ANKRD30A: variants seen among roughly 807,000 people sequenced by gnomAD.
ANKRD30A encodes ankyrin repeat domain 30A.
A neutral mutation model predicts 166.3 loss-of-function variants in ANKRD30A; 170 were observed. The observed-to-expected ratio is 1.02, with a 90% confidence interval of 0.90 to 1.16. ANKRD30A has a LOEUF of 1.16. ANKRD30A is among the 50% of genes most tolerant of loss of function. ANKRD30A has a pLI of 0.00. For synonymous variants in ANKRD30A, 564 were observed against 508.9 expected (o/e 1.11, Z -1.46); for missense variants, 1,630 against 1,518.0 (o/e 1.07, Z -1.23).
In ANKRD30A at chr10:37,130,747, C is replaced by T. The variant is rs187991289; in HGVS notation, c.510+369C>T. ...AGACATGCAGAAATCTGGATTTCCTCTTAAAGGATTGAATCTGGTGTCTCC... is the reference window on the plus strand; with the variant it reads ...AGACATGCAGAAATCTGGATTTCCTTTTAAAGGATTGAATCTGGTGTCTCC... On this transcript the variant is annotated intron_variant, in intron 3 of 35. Coordinates refer to ENST00000361713, the MANE Select transcript of ANKRD30A (RefSeq NM_052997.3). Among the ~76,000 whole-genome samples, 384 of 152,206 alleles carry T rather than the reference C, an allele frequency of 2.5e-3. 5 individuals carry two copies. The highest frequency in any genetic ancestry group is 9.0e-3 in the African/African-American group (373 of 41,550).
At chr10:37,215,538 C>T (rs1415883834) in intron 31 of ANKRD30A, among the ~76,000 whole-genome samples, 1 of 151,390 alleles carries the variant, frequency 6.6e-6, no homozygotes, top group Non-Finnish European at 1.5e-5. Flanking sequence ...TGATAGGTTC[C>T]ACCTCAGTTT....
the ANKRD30A span, chr10:37,248,325 C>T: frequency 2.7e-6 from 1 of 370,062 alleles, no homozygotes; most frequent in Non-Finnish European, 5.4e-6. Context: ...TATGAGATAT[C>T]TGAAGCTTGA....
At chr10:37,220,714 T>G (rs1379344939) in intron 34 of ANKRD30A, among the ~76,000 whole-genome samples, 2 of 151,150 alleles carry the variant, frequency 1.3e-5, no homozygotes, top group Non-Finnish European at 3.0e-5. Context: ...CAGAGAAAGA[T>G]CATTGTAGCT....
Position 37,142,192 on chromosome 10 carries a change from C to T in ANKRD30A, c.1295C>T (p.Ala432Val), listed in dbSNP as rs1837192158. 1.2e-6 allele frequency: 2 copies of T among 1,613,718 alleles called. No individual in the cohort carries two copies. The highest frequency in any genetic ancestry group is 1.1e-5 in the South Asian group (1 of 90,996). The change falls in exon 7 of 36, where the codon GCA becomes GTA. Residue 432 changes from alanine (A) to valine (V), a missense_variant. Physicochemically the swap from Ala to Val is moderately conservative, Grantham distance 64. Coordinates refer to ENST00000361713, the MANE Select transcript of ANKRD30A (RefSeq NM_052997.3). ...ACACCTGTAAAGACTGGATGCGTGG[C>T]AAGAGTAACATCTAATAAAACTAAA... ...KETPVKTGCV[A>V]RVTSNKTKVL... is the part of the protein sequence containing the mutation.
At position 37,125,861 on chromosome 10, in the gene ANKRD30A, TC is replaced by T; in HGVS notation, c.75del (p.Tyr26IlefsTer32). The T allele has an allele frequency of 7.1e-7, 1 of 1,399,254 alleles. No individual in the cohort carries two copies. The highest frequency in any genetic ancestry group is 1.2e-5 in the South Asian group (1 of 84,016). 86.7% of individuals were successfully genotyped at this position (1,399,254 alleles called of 1,614,324 possible). A position where few individuals can be genotyped will look rare whatever the true frequency, so the allele number is the denominator to read the frequency against. ...CGCCCGAGCCCTTTCAGCCAGCTAG[TC>T]TATACCAGCAACGACTCCTACATCG... The part of the protein sequence containing the change: ...PERPSPFSQL[V>X]YTSNDSYIVH... On this transcript the variant is annotated frameshift_variant, in exon 1 of 36. Coordinates refer to ENST00000361713, the MANE Select transcript of ANKRD30A (RefSeq NM_052997.3). LOFTEE classifies it high-confidence loss of function.
chr10:37,159,783 C>G (rs1473527841), intron 15 of ANKRD30A, among the ~76,000 whole-genome samples: 1 of 152,084 alleles, frequency 6.6e-6, no homozygotes, highest in African/African-American at 2.4e-5. Context: ...CAAGCTCTGC[C>G]TCCCGGGTTC....
intron 1 of ANKRD30A, among the ~76,000 whole-genome samples, chr10:37,126,274 C>T (rs1349578723): frequency 6.6e-6 from 1 of 152,234 alleles, no homozygotes; most frequent in Non-Finnish European, 1.5e-5. Flanking sequence ...CCTTCACTCC[C>T]ACTTCCTCTC....
chr10:37,152,283 G>C (rs1479508659), intron 12 of ANKRD30A, among the ~76,000 whole-genome samples, 162 bp downstream of exon 12: 1 of 152,026 alleles, frequency 6.6e-6, no homozygotes. Context: ...GTGCTAAGTA[G>C]ATTACTGCTT....
chr10:37,214,150 C>G (rs1842485194), intron 31 of ANKRD30A, among the ~76,000 whole-genome samples: 1 of 151,566 alleles, frequency 6.6e-6, no homozygotes, highest in Admixed American at 6.6e-5. Flanking sequence ...CCCTTTGTCA[C>G]TATAAAATGA....
chr10:37,125,969 A>G lies in ANKRD30A; in HGVS notation c.182A>G (p.Lys61Arg), dbSNP rs372247911. The G allele has an allele frequency of 4.3e-6, 7 of 1,611,778 alleles. No individual in the cohort carries two copies. Among genetic ancestry groups the G allele is most frequent in the African/African-American group, 4.0e-5 (3 of 74,838 alleles). ...VRKLEKMTKRKKTINLNIQDA... is the reference protein window; with the variant it reads ...VRKLEKMTKRRKTINLNIQDA... ...AAGCTGGAGAAGATGACAAAGAGGA[A>G]GAAGACCATCAACCTTAATATACAA... is the stretch of plus-strand genomic sequence containing the variant. The change falls in exon 1 of 36, where the codon AAG becomes AGG. Residue 61 changes from lysine to arginine, a missense_variant. Transcript: ENST00000361713.
At chr10:37,240,438 A>G in the ANKRD30A span, among the ~76,000 whole-genome samples, 1 of 152,052 alleles carries the variant, frequency 6.6e-6, no homozygotes, top group Admixed American at 6.6e-5. Flanking sequence ...GACTGGTGAC[A>G]TTTTAAATCT....
intron 29 of ANKRD30A, among the ~76,000 whole-genome samples, chr10:37,197,952 G>T (rs57407859): frequency 0.013 from 1,955 of 152,028 alleles, 40 homozygotes; most frequent in East Asian, 0.095. Context: ...AACTCTGTGT[G>T]TTTATGTGTG....
At chr10:37,128,543 A>T (rs913254310) in intron 1 of ANKRD30A, among the ~76,000 whole-genome samples, 2 of 152,036 alleles carry the variant, frequency 1.3e-5, no homozygotes, top group African/African-American at 4.8e-5. Flanking sequence ...ATTTTAGTGT[A>T]GTTTTATTAT....
intron 31 of ANKRD30A, among the ~76,000 whole-genome samples, chr10:37,211,307 T>C (rs943168740): frequency 7.9e-5 from 12 of 151,650 alleles, no homozygotes; most frequent in Non-Finnish European, 1.6e-4. Context: ...CAACAGGCCC[T>C]GGTGTGTGAT....
the ANKRD30A span, among the ~76,000 whole-genome samples, chr10:37,263,356 A>G: frequency 1.1e-4 from 16 of 152,038 alleles, no homozygotes; most frequent in Non-Finnish European, 1.6e-4. Context: ...AGCTGGTTTC[A>G]GGATGATTCA....
intron 31 of ANKRD30A, among the ~76,000 whole-genome samples, chr10:37,207,887 A>T (rs1197854766): frequency 1.3e-5 from 2 of 152,172 alleles, no homozygotes; most frequent in Non-Finnish European, 2.9e-5. Context: ...TGAATAATTT[A>T]TCCTGGAAAA....
chr10:37,247,333 C>T, the ANKRD30A span, among the ~76,000 whole-genome samples: 10 of 152,104 alleles, frequency 6.6e-5, no homozygotes, highest in African/African-American at 2.4e-4. Flanking sequence ...AAGGTAGTTG[C>T]TAATTTAACA....
chr10:37,154,954 A>G (rs1159968175), intron 13 of ANKRD30A, among the ~76,000 whole-genome samples: 1 of 152,200 alleles, frequency 6.6e-6, no homozygotes, highest in Non-Finnish European at 1.5e-5. Flanking sequence ...GTTGATATTC[A>G]CAATTTGAAT....
At chr10:37,147,579 G>C in intron 9 of ANKRD30A, 122 bp downstream of exon 9, 1 of 543,872 alleles carries the variant, frequency 1.8e-6, no homozygotes. Flanking sequence ...GAAAAGAGAG[G>C]AGTAAAATGA....
Sources: gnomAD v4.1 joint callset for allele counts (sites outside exome capture counted in the v4.1 genomes callset) on GRCh38, gnomAD v4.1.1 for gene constraint, MANE v1.5 for transcripts, NCBI Gene and HGNC (gene_info 2026-07-23, HGNC 2026-07-21) for gene names.